The following MYO1B variants were observed in gnomAD, a reference collection of about 807,000 sequenced individuals.
MYO1B encodes the protein unconventional myosin-Ib.
In MYO1B, 72 loss-of-function variants were observed where a neutral mutation model predicts 159.7. The observed-to-expected ratio is 0.45, with a 90% confidence interval of 0.37 to 0.55. The LOEUF is 0.55. Among genes scored for constraint, MYO1B ranks in the 20% least tolerant of loss-of-function variants. The pLI is 0.00. For missense variants in MYO1B, 1,062 were observed against 1,364.8 expected (o/e 0.78, Z 3.50); for synonymous variants, 468 against 473.8 (o/e 0.99, Z 0.16).
intron 2 of MYO1B, among the ~76,000 whole-genome samples, chr2:191,285,994 A>G (rs1486193462): frequency 6.6e-6 from 1 of 152,172 alleles, no homozygotes; most frequent in East Asian, 1.9e-4. Flanking sequence ...TCCTATTGTC[A>G]TAGTCTTTGA....
chr2:191,264,236 A>C (rs1202842098), intron 1 of MYO1B, among the ~76,000 whole-genome samples: 2 of 152,178 alleles, frequency 1.3e-5, no homozygotes, highest in Non-Finnish European at 2.9e-5. Context: ...TTTTTGTTTG[A>C]TCAATTCTCA....
chr2:191,392,254 A>C, intron 19 of MYO1B, 53 bp downstream of exon 19: 1 of 1,345,532 alleles, frequency 7.4e-7, no homozygotes, highest in Non-Finnish European at 1.0e-6. Context: ...CGTATAGGAA[A>C]GTTCTTAAAA....
At chr2:191,332,850 A>G (rs942808460) in intron 4 of MYO1B, among the ~76,000 whole-genome samples, 14 of 152,136 alleles carry the variant, frequency 9.2e-5, no homozygotes, top group African/African-American at 2.9e-4. Context: ...GTGCCACACT[A>G]CTTTGCCCAT....
intron 21 of MYO1B, among the ~76,000 whole-genome samples, chr2:191,399,529 A>G (rs1261351539): frequency 6.6e-6 from 1 of 152,162 alleles, no homozygotes; most frequent in African/African-American, 2.4e-5. Flanking sequence ...AAGTTTACTG[A>G]TCCCTGATCT....
In MYO1B at chr2:191,387,332, C is replaced by T. The variant is rs749658633; in HGVS notation, c.1663C>T (p.Pro555Ser). 6.2e-6 allele frequency: 10 copies of T among 1,614,136 alleles called. No homozygotes were observed. In the Admixed American group the frequency reaches 1.2e-4, roughly 19 times the overall value. The change falls in exon 17 of 31, where the codon CCC becomes TCC. Residue 555 changes from proline to serine, a missense_variant. By Grantham distance (74) the Pro-to-Ser change is moderately conservative (BLOSUM62 -1). Around this residue, in one of 5 missense-constraint regions of MYO1B, gnomAD observed 609 missense variants for 744.4 expected, o/e 0.82. Transcript: ENST00000392318. ...CCATGCCCTCATCAAGTCTTTGTTC[C>T]CCGAAGGGAATCCCGCCAAGATCAA... Reference protein sequence around the residue: ...ASHALIKSLFPEGNPAKINLK... With the variant: ...ASHALIKSLFSEGNPAKINLK...
intron 6 of MYO1B, among the ~76,000 whole-genome samples, chr2:191,347,506 T>C (rs1283121575): frequency 2.6e-5 from 4 of 152,214 alleles, no homozygotes. Flanking sequence ...GTATTTAATA[T>C]TTGCAAATAT....
intron 20 of MYO1B, among the ~76,000 whole-genome samples, chr2:191,393,433 G>A (rs1329643546): frequency 2.6e-4 from 40 of 152,136 alleles, no homozygotes; most frequent in Admixed American, 2.6e-3. Flanking sequence ...AGCTATAAGT[G>A]GTAGAGCTGG....
chr2:191,370,119 C>G, intron 12 of MYO1B, 108 bp from the exon 13 acceptor site: 1 of 724,416 alleles, frequency 1.4e-6, no homozygotes, highest in Non-Finnish European at 2.3e-6. Context: ...TAGTTATTTT[C>G]TTACTTAAGA....
intron 2 of MYO1B, among the ~76,000 whole-genome samples, chr2:191,289,715 T>A (rs752548327): frequency 3.3e-5 from 5 of 152,224 alleles, no homozygotes; most frequent in Non-Finnish European, 7.3e-5. Context: ...TAGGTCATTA[T>A]GGGATTTTCT....
intron 7 of MYO1B, among the ~76,000 whole-genome samples, chr2:191,356,538 C>T (rs13399212): frequency 0.47 from 71,133 of 151,768 alleles, 17,816 homozygotes; most frequent in African/African-American, 0.66. Context: ...TGTTGTTCTT[C>T]ATACAAACAT....
Position 191,414,241 on chromosome 2 carries a change from T to A in MYO1B, c.3006+61T>A, listed in dbSNP as rs140386137. The A allele has an allele frequency of 2.7e-4, 417 of 1,542,212 alleles. 4 individuals carry two copies. The African/African-American group carries it at 4.7e-3, about 17-fold the overall frequency. ...CCTATTAGTTGGGATAGTCACCCTGTTTTCTGAATGTAAAAATTTGCATTT... is the reference window on the plus strand; with the variant it reads ...CCTATTAGTTGGGATAGTCACCCTGATTTCTGAATGTAAAAATTTGCATTT... On this transcript the variant is annotated intron_variant, in intron 28 of 30. Transcript: ENST00000392318.
Position 191,413,932 on chromosome 2 carries a change from A to T in MYO1B, c.2874-116A>T, listed in dbSNP as rs111879634. ...TAAGTGTAATATATAAAATAAATTG[A>T]AATCAATTTTTATGAAGTTGTCAGC... On this transcript the variant is annotated intron_variant, in intron 27 of 30. Coordinates refer to ENST00000392318, the MANE Select transcript of MYO1B (RefSeq NM_001130158.3). 1.0e-3 allele frequency: 1,086 copies of T among 1,049,750 alleles called. 8 individuals carry two copies. In the African/African-American group the frequency reaches 0.015, roughly 14 times the overall value. 65.0% of individuals were successfully genotyped at this position (1,049,750 alleles called of 1,614,324 possible).
intron 1 of MYO1B, among the ~76,000 whole-genome samples, chr2:191,253,777 G>A (rs1686272511): frequency 6.6e-6 from 1 of 152,094 alleles, no homozygotes; most frequent in African/African-American, 2.4e-5. Context: ...TGCTTGTGGG[G>A]CTTTTTTCTT....
chr2:191,373,240 C>A (rs899737111), intron 13 of MYO1B, among the ~76,000 whole-genome samples: 7 of 152,096 alleles, frequency 4.6e-5, no homozygotes, highest in Non-Finnish European at 1.0e-4. Flanking sequence ...ATTGGCATCA[C>A]CTGGGGAGCT....
intron 3 of MYO1B, among the ~76,000 whole-genome samples, chr2:191,301,411 C>G (rs904549790): frequency 7.7e-6 from 1 of 129,264 alleles, no homozygotes; most frequent in African/African-American, 2.6e-5. Context: ...ATCTGAAAAT[C>G]CAAAATCTTA....
At chr2:191,267,323 A>G (rs1184513188) in intron 1 of MYO1B, among the ~76,000 whole-genome samples, 1 of 152,206 alleles carries the variant, frequency 6.6e-6, no homozygotes. Flanking sequence ...AACACAAGTC[A>G]ACAACATACT....
chr2:191,334,916 T>G (rs2125930561), intron 4 of MYO1B, among the ~76,000 whole-genome samples: 1 of 152,270 alleles, frequency 6.6e-6, no homozygotes, highest in South Asian at 2.1e-4. Flanking sequence ...GCAACCAAAT[T>G]AGTACAGAAG....
At chr2:191,344,135 C>T (rs1375874860) in intron 5 of MYO1B, among the ~76,000 whole-genome samples, 1 of 152,124 alleles carries the variant, frequency 6.6e-6, no homozygotes, top group Non-Finnish European at 1.5e-5. Flanking sequence ...CATCTCTAGT[C>T]GGACTTGGGG....
At chr2:191,278,080 C>A (rs534570879) in intron 2 of MYO1B, among the ~76,000 whole-genome samples, 1 of 152,280 alleles carries the variant, frequency 6.6e-6, no homozygotes, top group South Asian at 2.1e-4. Flanking sequence ...TTCTAGATAG[C>A]CAACTCTCTT....
Sources: allele counts gnomAD v4.1 joint callset (sites outside exome capture counted in the v4.1 genomes callset), GRCh38; gene constraint gnomAD v4.1.1; regional missense constraint gnomAD v4.1.1; transcripts MANE v1.5; gene names NCBI Gene and HGNC (gene_info 2026-07-23, HGNC 2026-07-21).